DNAH11: variants seen among roughly 807,000 people sequenced by gnomAD.
DNAH11 encodes dynein axonemal heavy chain 11, also known as axonemal beta dynein heavy chain 11.
Under a neutral mutation model 526.0 loss-of-function variants are expected in DNAH11, and 442 were observed. That is an observed-to-expected ratio of 0.84 (90% CI 0.78 to 0.91). The LOEUF (loss-of-function observed/expected upper bound fraction) is 0.91, where lower values mean the gene tolerates loss of function less well. Ranked by LOEUF, DNAH11 falls within the 40% of genes least tolerant of loss-of-function variation. DNAH11 has a pLI of 0.00. For synonymous variants in DNAH11, 2,461 were observed against 1,935.9 expected (o/e 1.27, Z -7.12); for missense variants, 6,989 against 5,448.7 (o/e 1.28, Z -8.90).
At position 21,570,176 on chromosome 7, in the gene DNAH11, T is replaced by A; in HGVS notation, c.1302T>A (p.Phe434Leu). Residue 434 changes from phenylalanine (F) to leucine (L), a missense_variant, in exon 7 of 82, where the codon TTT (phenylalanine) becomes TTA (leucine). Physicochemically the swap from Phe to Leu is conservative, Grantham distance 22. Transcript: ENST00000409508. ...TCTTAAAGACTTTCAAAAACTCCTT[T>A]TTCAACTATAGAAAAAAATTGGCAA... ...VNILKTFKNS[F>L]FNYRKKLASY... The A allele has an allele frequency of 6.2e-7, 1 of 1,613,522 alleles. No homozygotes were observed. Among genetic ancestry groups the A allele is most frequent in the Non-Finnish European group, 8.5e-7 (1 of 1,179,736 alleles).
chr7:21,871,500 A>T (rs1051190815), intron 73 of DNAH11, among the ~76,000 whole-genome samples: 3 of 152,208 alleles, frequency 2.0e-5, no homozygotes, highest in African/African-American at 7.2e-5. Context: ...CACTACCTAG[A>T]ATATTTTTAC....
chr7:21,689,384 A>G (rs900004542), intron 34 of DNAH11, among the ~76,000 whole-genome samples: 1 of 152,166 alleles, frequency 6.6e-6, no homozygotes, highest in Admixed American at 6.5e-5. Context: ...TCTTCATCTT[A>G]TTTTAGCCCA....
chr7:21,798,436 C>T (rs1788814682), intron 61 of DNAH11, among the ~76,000 whole-genome samples: 1 of 152,192 alleles, frequency 6.6e-6, no homozygotes, highest in Non-Finnish European at 1.5e-5. Flanking sequence ...ATACTCTTAA[C>T]TATACAGTAT....
chr7:21,724,770 A>AGTCACTGGGCCAGGTCATCCTATGAATG (rs1562510567), intron 44 of DNAH11, among the ~76,000 whole-genome samples: 1 of 112,374 alleles, frequency 8.9e-6, no homozygotes, highest in African/African-American at 3.2e-5. Context: ...TCCTATGAAT[A>AGTCACTGGGCCAGGTCATCCTATGAATG]TAGGAGTCAC....
intron 2 of DNAH11, among the ~76,000 whole-genome samples, chr7:21,553,776 G>C (rs75026924): frequency 0.034 from 5,237 of 151,830 alleles, 326 homozygotes; most frequent in East Asian, 0.29. Flanking sequence ...ACCTTTTTTT[G>C]ATTACCTCTT....
chr7:21,690,220 A>T (rs1221037901), intron 34 of DNAH11, among the ~76,000 whole-genome samples: 2 of 152,210 alleles, frequency 1.3e-5, no homozygotes, highest in African/African-American at 4.8e-5. Context: ...CCTAAAAGGG[A>T]TATGCCTGGT....
intron 55 of DNAH11, among the ~76,000 whole-genome samples, chr7:21,768,134 A>T (rs768688360): frequency 3.3e-5 from 5 of 152,230 alleles, no homozygotes; most frequent in Non-Finnish European, 5.9e-5. Flanking sequence ...TTAAGTATTT[A>T]TCTGAAGACT....
At chr7:21,708,279 C>T (rs1784344695) in intron 40 of DNAH11, among the ~76,000 whole-genome samples, 2 of 152,196 alleles carry the variant, frequency 1.3e-5, no homozygotes, top group South Asian at 4.1e-4. Context: ...TTTCCTGTTA[C>T]AGTAAATGCG....
rs1227064699 is a variant in DNAH11, at chr7:21,543,253, C to T, written c.8C>T (p.Ala3Val). 4.6e-6 allele frequency: 7 copies of T among 1,536,696 alleles called. No individual in the cohort carries two copies. The highest frequency in any genetic ancestry group is 6.1e-6 in the Non-Finnish European group (7 of 1,140,940). The change falls in exon 1 of 82, where the codon GCC (alanine) becomes GTC (valine). Residue 3 changes from alanine to valine, a missense_variant. Coordinates refer to ENST00000409508, the MANE Select transcript of DNAH11 (RefSeq NM_001277115.2). MA[A>V]QVAAREARDF... The stretch of plus-strand genomic sequence containing the variant: ...CCCTCGGACGGTTGCCCAATGGCAG[C>T]CCAGGTGGCAGCCCGGGAGGCGCGA...
chr7:21,550,460 A>G (rs1782978523), intron 2 of DNAH11, among the ~76,000 whole-genome samples: 1 of 152,210 alleles, frequency 6.6e-6, no homozygotes, highest in Non-Finnish European at 1.5e-5. Context: ...GTGCCCAAAT[A>G]TAGGATCTCA....
rs139476959 is a variant in DNAH11, at chr7:21,677,905, C to T, written c.5329-3641C>T. On this transcript the variant is annotated intron_variant, in intron 30 of 81. Coordinates refer to ENST00000409508, the MANE Select transcript of DNAH11 (RefSeq NM_001277115.2). Reference sequence around the variant, plus strand: ...GAAAATGTCTATTCTGGTCCTTTGCCCATTGCTAATCAGCCTATTTGTTGC... The same window carrying T: ...GAAAATGTCTATTCTGGTCCTTTGCTCATTGCTAATCAGCCTATTTGTTGC... Among the ~76,000 whole-genome samples the T allele has an allele frequency of 2.9e-4, 44 of 152,228 alleles. 1 individual carries two copies. The highest frequency in any genetic ancestry group is 9.4e-4 in the African/African-American group (39 of 41,544).
rs547794102 is a variant in DNAH11 at position 21,900,904 on chromosome 7, C to CAAAACCA, written c.13304-102_13304-96dup. ...ATACCACTGACAAGCAAAAATATGA[C>CAAAACCA]AAAACCAGAATGTTGAATGTTTATT... is the stretch of plus-strand genomic sequence containing the variant. On this transcript the variant is annotated intron_variant, in intron 81 of 81. Transcript: ENST00000409508. 3.8e-5 allele frequency: 56 copies of CAAAACCA among 1,476,236 alleles called. No individual in the cohort carries two copies. The East Asian group carries it at 8.9e-4, about 23-fold the overall frequency. The allele number at this position is 1,476,236 out of a possible 1,614,324, so 91.4% of individuals were successfully genotyped here. A position where few individuals can be genotyped will look rare whatever the true frequency, so the allele number is the denominator to read the frequency against.
intron 72 of DNAH11, among the ~76,000 whole-genome samples, chr7:21,868,565 C>T (rs1783375665): frequency 6.6e-6 from 1 of 152,180 alleles, no homozygotes; most frequent in Admixed American, 6.5e-5. Flanking sequence ...TTTGCTACTC[C>T]TGCAAGAGTT....
chr7:21,806,374 C>A (rs1207083078), intron 62 of DNAH11, among the ~76,000 whole-genome samples: 3 of 152,112 alleles, frequency 2.0e-5, no homozygotes, highest in Non-Finnish European at 4.4e-5. Context: ...GGCTGAGGAA[C>A]AAAAGTAATA....
At chr7:21,588,758 G>C (rs1183671308) in intron 11 of DNAH11, 122 bp downstream of exon 11, 1 of 1,184,676 alleles carries the variant, frequency 8.4e-7, no homozygotes. Flanking sequence ...TTCTCTCACT[G>C]GTTGGGTTTG....
intron 2 of DNAH11, among the ~76,000 whole-genome samples, chr7:21,553,351 A>C (rs1016507932): frequency 1.3e-5 from 2 of 152,092 alleles, no homozygotes; most frequent in South Asian, 2.1e-4. Context: ...GTCCCAATCT[A>C]ATTAACATTT....
intron 4 of DNAH11, among the ~76,000 whole-genome samples, chr7:21,560,415 C>T (rs1220060149): frequency 6.6e-6 from 1 of 152,072 alleles, no homozygotes. Flanking sequence ...AGTTGAGGAG[C>T]AAGGGAGCCA....
chr7:21,719,550 A>G (rs1784796998), intron 43 of DNAH11, among the ~76,000 whole-genome samples: 1 of 152,208 alleles, frequency 6.6e-6, no homozygotes, highest in South Asian at 2.1e-4. Flanking sequence ...CATGGCTTCT[A>G]CTAAAAAATA....
chr7:21,546,490 C>T (rs2128425976), intron 2 of DNAH11, among the ~76,000 whole-genome samples: 1 of 152,298 alleles, frequency 6.6e-6, no homozygotes, highest in Non-Finnish European at 1.5e-5. Context: ...CAGGGCTACA[C>T]TGTGAAATTC....
Sources: gnomAD v4.1 joint callset for allele counts (sites outside exome capture counted in the v4.1 genomes callset) on GRCh38, gnomAD v4.1.1 for gene constraint, MANE v1.5 for transcripts, NCBI Gene and HGNC (gene_info 2026-07-23, HGNC 2026-07-21) for gene names.